The following ARHGAP15 variants were observed in gnomAD, a reference collection of about 807,000 sequenced individuals.
ARHGAP15 encodes the protein rho GTPase-activating protein 15.
In ARHGAP15, 51 loss-of-function variants were observed where a neutral mutation model predicts 63.7. The observed-to-expected ratio is 0.80, with a 90% confidence interval of 0.64 to 1.01. The LOEUF is 1.01. ARHGAP15 is among the 50% of genes least tolerant of loss of function. ARHGAP15 has a pLI of 0.00. For missense variants in ARHGAP15, 560 were observed against 564.6 expected (o/e 0.99, Z 0.08); for synonymous variants, 191 against 193.8 (o/e 0.99, Z 0.12).
In ARHGAP15 at chr2:143,317,850, TAGTATTA is replaced by T. The variant is rs1367754696; in HGVS notation, c.474+67251_474+67257del. Among the ~76,000 whole-genome samples, 3 of 152,080 alleles carry T rather than the reference TAGTATTA, an allele frequency of 2.0e-5. No homozygotes were observed. In the East Asian group the frequency reaches 5.8e-4, roughly 29 times the overall value. ...GGAAAGAATAGCCTGGGTGAAAGTG[TAGTATTA>T]GGAATTTAAAGTATTAAGTGAATTA... On this transcript the variant is annotated intron_variant, in intron 6 of 13. Transcript: ENST00000295095.
At chr2:143,182,177 G>T (rs1691263328) in intron 2 of ARHGAP15, among the ~76,000 whole-genome samples, 1 of 152,004 alleles carries the variant, frequency 6.6e-6, no homozygotes, top group East Asian at 1.9e-4. Flanking sequence ...TGGCCAGGCT[G>T]GTCTCAAACT....
At chr2:143,678,150 T>C (rs1559121296) in intron 12 of ARHGAP15, among the ~76,000 whole-genome samples, 1 of 152,088 alleles carries the variant, frequency 6.6e-6, no homozygotes, top group Non-Finnish European at 1.5e-5. Context: ...GGATGGAGGC[T>C]GCAGTGAGCT....
intron 6 of ARHGAP15, among the ~76,000 whole-genome samples, chr2:143,295,202 A>AG (rs1308136252): frequency 2.0e-5 from 3 of 152,046 alleles, no homozygotes; most frequent in Non-Finnish European, 4.4e-5. Flanking sequence ...TTGAAAACAA[A>AG]GGGGAAAATG....
chr2:143,151,320 G>A (rs559961785), intron 1 of ARHGAP15, among the ~76,000 whole-genome samples: 38 of 152,030 alleles, frequency 2.5e-4, no homozygotes, highest in Non-Finnish European at 4.9e-4. Context: ...TACAGCTCTA[G>A]GAGGCACCAT....
intron 12 of ARHGAP15, among the ~76,000 whole-genome samples, chr2:143,677,786 A>G (rs1420767908): frequency 6.6e-6 from 1 of 152,240 alleles, no homozygotes; most frequent in Non-Finnish European, 1.5e-5. Flanking sequence ...ACTCAAAGAT[A>G]CATAATATGT....
At chr2:143,633,486 C>T (rs115846071) in intron 12 of ARHGAP15, among the ~76,000 whole-genome samples, 1,924 of 152,152 alleles carry the variant, frequency 0.013, 44 homozygotes, top group African/African-American at 0.045. Context: ...ACATCAGCTC[C>T]ATTAGAAAAT....
In ARHGAP15 at chr2:143,655,770, T is replaced by C. The variant is rs1681402146; in HGVS notation, c.1138+31503T>C. Among the ~76,000 whole-genome samples the C allele has an allele frequency of 2.0e-5, 3 of 152,138 alleles. 1 individual carries two copies. The South Asian group carries it at 6.2e-4, about 32-fold the overall frequency. ...ATCAGTGTTTTCCTGCTTCTACAAA[T>C]CCACAGTTTGACTCTTGGCAGTCAG... On this transcript the variant is annotated intron_variant, in intron 12 of 13. Transcript: ENST00000295095.
At chr2:143,434,384 C>A (rs576974394) in intron 6 of ARHGAP15, among the ~76,000 whole-genome samples, 1 of 151,966 alleles carries the variant, frequency 6.6e-6, no homozygotes, top group Admixed American at 6.6e-5. Context: ...AATATATATG[C>A]ACATATGTAA....
intron 8 of ARHGAP15, among the ~76,000 whole-genome samples, chr2:143,438,454 A>C (rs1426162850): frequency 8.5e-5 from 13 of 152,298 alleles, no homozygotes; most frequent in Non-Finnish European, 1.9e-4. Flanking sequence ...GAAGTCTACA[A>C]ATCTAGAAAT....
chr2:143,484,829 A>C (rs187491664), intron 8 of ARHGAP15, among the ~76,000 whole-genome samples: 12 of 152,358 alleles, frequency 7.9e-5, no homozygotes, highest in African/African-American at 2.9e-4. Context: ...CAAGTGTTCA[A>C]TAGCCCCAAG....
At chr2:143,584,067 A>G (rs1156904252) in intron 11 of ARHGAP15, among the ~76,000 whole-genome samples, 1 of 152,212 alleles carries the variant, frequency 6.6e-6, no homozygotes, top group Non-Finnish European at 1.5e-5. Flanking sequence ...AAGAGTAACC[A>G]TTCATGTTTT....
chr2:143,375,295 C>A (rs2104925863), intron 6 of ARHGAP15, among the ~76,000 whole-genome samples: 1 of 152,230 alleles, frequency 6.6e-6, no homozygotes, highest in African/African-American at 2.4e-5. Flanking sequence ...TGTCATTGGC[C>A]TCCCCTCCTC....
intron 6 of ARHGAP15, among the ~76,000 whole-genome samples, chr2:143,377,352 T>C (rs1016350408): frequency 6.6e-6 from 1 of 151,990 alleles, no homozygotes; most frequent in Admixed American, 6.6e-5. Flanking sequence ...TGCTAGCACA[T>C]TTTCAGTATT....
intron 13 of ARHGAP15, among the ~76,000 whole-genome samples, chr2:143,715,082 A>G (rs558372770): frequency 1.1e-4 from 16 of 149,474 alleles, no homozygotes; most frequent in South Asian, 2.1e-4. Context: ...CAAGACTGGG[A>G]AAAAAAAAAG....
At chr2:143,435,318 T>G (rs999785955) in intron 6 of ARHGAP15, 30 of 1,073,732 alleles carry the variant, frequency 2.8e-5, no homozygotes, top group Non-Finnish European at 3.3e-5. Flanking sequence ...TCTCTGAACT[T>G]CCTGGCTTGT....
chr2:143,671,748 C>G (rs1328050606), intron 12 of ARHGAP15, among the ~76,000 whole-genome samples: 1 of 152,152 alleles, frequency 6.6e-6, no homozygotes, highest in African/African-American at 2.4e-5. Flanking sequence ...CCCTATCTAT[C>G]TCTGTATAAT....
intron 9 of ARHGAP15, among the ~76,000 whole-genome samples, chr2:143,507,584 A>C (rs1312182912): frequency 6.6e-6 from 1 of 152,200 alleles, no homozygotes; most frequent in Non-Finnish European, 1.5e-5. Context: ...TATACCATTC[A>C]TGCAGCTTCG....
intron 13 of ARHGAP15, among the ~76,000 whole-genome samples, chr2:143,746,659 C>T (rs969264545): frequency 6.6e-6 from 1 of 152,148 alleles, no homozygotes; most frequent in African/African-American, 2.4e-5. Context: ...TAACATATCA[C>T]CTAAATGCAA....
At chr2:143,622,113 T>TACA (rs1460702418) in intron 11 of ARHGAP15, among the ~76,000 whole-genome samples, 3 of 152,154 alleles carry the variant, frequency 2.0e-5, no homozygotes, top group African/African-American at 7.2e-5. Context: ...CAATAAGTTG[T>TACA]ACAACATTTT....
Sources: allele counts gnomAD v4.1 joint callset (sites outside exome capture counted in the v4.1 genomes callset), GRCh38; gene constraint gnomAD v4.1.1; transcripts MANE v1.5; gene names NCBI Gene and HGNC (gene_info 2026-07-23, HGNC 2026-07-21).